WDR7: variants seen among roughly 807,000 people sequenced by gnomAD.
WDR7 encodes the protein WD repeat-containing protein 7.
WDR7 carries 46 observed loss-of-function variants against 169.4 expected under a neutral mutation model. The observed-to-expected ratio is 0.27, with a 90% CI of 0.21 to 0.35. The LOEUF is 0.35. Among genes scored for constraint, WDR7 ranks in the 10% least tolerant of loss-of-function variants. The pLI is 1.00. For missense variants in WDR7, 1,534 were observed against 1,859.3 expected, an observed-to-expected ratio of 0.83 and a Z score of 3.22; for synonymous variants, 612 against 666.8, an observed-to-expected ratio of 0.92 and a Z score of 1.27.
chr18:56,992,994 A>G (rs1013938939), intron 26 of WDR7, among the ~76,000 whole-genome samples: 1 of 152,208 alleles, frequency 6.6e-6, no homozygotes, highest in African/African-American at 2.4e-5. Flanking sequence ...CACTGCTGTA[A>G]TAACCTAACA....
intron 20 of WDR7, among the ~76,000 whole-genome samples, chr18:56,832,119 T>C (rs921717340): frequency 2.6e-5 from 4 of 152,112 alleles, no homozygotes; most frequent in African/African-American, 9.7e-5. Context: ...AGCACAGCAG[T>C]CTGAGGTTGA....
intron 1 of WDR7, among the ~76,000 whole-genome samples, chr18:56,654,981 T>C (rs1470431602): frequency 6.6e-6 from 1 of 152,238 alleles, no homozygotes; most frequent in Non-Finnish European, 1.5e-5. Context: ...TTGAGTCCTT[T>C]CCTTTGGTTT....
chr18:56,745,739 A>C (rs2043692508), intron 14 of WDR7, among the ~76,000 whole-genome samples: 4 of 152,210 alleles, frequency 2.6e-5, no homozygotes, highest in Admixed American at 2.6e-4. Context: ...TGCTAATTTA[A>C]GTTTATAAAT....
At chr18:56,677,691 C>A (rs2025272561) in intron 2 of WDR7, among the ~76,000 whole-genome samples, 1 of 152,074 alleles carries the variant, frequency 6.6e-6, no homozygotes, top group African/African-American at 2.4e-5. Flanking sequence ...TTTTAGGATT[C>A]TTTCTTAATC....
chr18:56,967,035 T>C (rs1429561162), intron 26 of WDR7, among the ~76,000 whole-genome samples: 1 of 152,200 alleles, frequency 6.6e-6, no homozygotes, highest in Non-Finnish European at 1.5e-5. Flanking sequence ...TCAGTAAATG[T>C]TGGCGATTAT....
At chr18:56,876,782 G>C (rs549182474) in intron 20 of WDR7, among the ~76,000 whole-genome samples, 14 of 152,186 alleles carry the variant, frequency 9.2e-5, no homozygotes, top group African/African-American at 3.1e-4. Flanking sequence ...CAAAACAGAA[G>C]AAAGAGATAA....
intron 16 of WDR7, among the ~76,000 whole-genome samples, chr18:56,761,956 T>C (rs867086393): frequency 1.3e-5 from 2 of 152,204 alleles, no homozygotes; most frequent in Middle Eastern, 3.5e-3. Flanking sequence ...GGGAAAACTT[T>C]TAAACCTTTC....
chr18:56,815,153 T>A (rs905001990), intron 19 of WDR7, among the ~76,000 whole-genome samples: 1 of 152,238 alleles, frequency 6.6e-6, no homozygotes, highest in Non-Finnish European at 1.5e-5. Flanking sequence ...AATATTTAAA[T>A]GGATTCTATG....
intron 11 of WDR7, 148 bp downstream of exon 11, chr18:56,695,346 C>A: frequency 2.1e-6 from 2 of 937,802 alleles, no homozygotes; most frequent in Non-Finnish European, 3.1e-6. Context: ...GTTTAATGCA[C>A]AGATAAAATA....
At position 56,962,425 on chromosome 18, in the gene WDR7, C is replaced by G. The variant is rs2047350404; in HGVS notation, c.4065-5C>G. 1.2e-6 allele frequency: 2 copies of G among 1,612,462 alleles called. No individual in the cohort carries two copies. Among genetic ancestry groups the G allele is most frequent in the Non-Finnish European group, 1.7e-6 (2 of 1,178,940 alleles). On this transcript the variant is annotated splice_polypyrimidine_tract_variant and splice_region_variant and intron_variant, in intron 25 of 27. Transcript: ENST00000254442. ...TTGTTTTTGTTGTTAAAATGTTCAA[C>G]TCAGGTTCTACATGGTCAGCTATTA... is the stretch of plus-strand genomic sequence containing the variant.
At chr18:56,860,984 T>C (rs1205248298) in intron 20 of WDR7, among the ~76,000 whole-genome samples, 1 of 152,160 alleles carries the variant, frequency 6.6e-6, no homozygotes, top group African/African-American at 2.4e-5. Flanking sequence ...TTTCTAGAAA[T>C]ACAATTGCTC....
intron 20 of WDR7, among the ~76,000 whole-genome samples, chr18:56,820,405 A>G (rs996133959): frequency 1.4e-5 from 2 of 146,226 alleles, no homozygotes; most frequent in Admixed American, 7.1e-5. Context: ...GACAGATTCA[A>G]CTACAAAAGC....
chr18:56,726,928 C>T (rs1266409705), intron 13 of WDR7, among the ~76,000 whole-genome samples: 3 of 152,088 alleles, frequency 2.0e-5, no homozygotes, highest in African/African-American at 7.2e-5. Flanking sequence ...GTACTTTCTT[C>T]ATAGTCACAC....
chr18:56,739,760 G>T (rs185348326), intron 14 of WDR7, among the ~76,000 whole-genome samples: 1 of 142,334 alleles, frequency 7.0e-6, no homozygotes. Flanking sequence ...TCTTTTTTTG[G>T]GGGGGGGAAT....
intron 20 of WDR7, among the ~76,000 whole-genome samples, chr18:56,862,177 A>G (rs1304737684): frequency 6.6e-6 from 1 of 151,976 alleles, no homozygotes; most frequent in Non-Finnish European, 1.5e-5. Flanking sequence ...ATCGTCCACT[A>G]TTATGTTGTA....
chr18:56,974,296 G>A (rs1187204155), intron 26 of WDR7, among the ~76,000 whole-genome samples: 1 of 150,932 alleles, frequency 6.6e-6, no homozygotes, highest in South Asian at 2.1e-4. Flanking sequence ...AGCACATCTT[G>A]CCTTGTCTTG....
At chr18:56,844,428 A>G (rs999678266) in intron 20 of WDR7, among the ~76,000 whole-genome samples, 3 of 152,194 alleles carry the variant, frequency 2.0e-5, no homozygotes, top group African/African-American at 7.2e-5. Flanking sequence ...AGTGGCTTTT[A>G]AAATGATCCA....
intron 20 of WDR7, among the ~76,000 whole-genome samples, chr18:56,852,372 A>G (rs533692319): frequency 1.1e-3 from 162 of 152,300 alleles, no homozygotes; most frequent in Non-Finnish European, 1.8e-3. Flanking sequence ...AAGTTCTGTC[A>G]TATAATGATA....
At chr18:56,969,534 G>T (rs1391798082) in intron 26 of WDR7, among the ~76,000 whole-genome samples, 1 of 152,166 alleles carries the variant, frequency 6.6e-6, no homozygotes, top group Admixed American at 6.5e-5. Context: ...CCTGGTTCCA[G>T]TTACATTTAT....
Sources: gnomAD v4.1 joint callset for allele counts (sites outside exome capture counted in the v4.1 genomes callset) on GRCh38, gnomAD v4.1.1 for gene constraint, MANE v1.5 for transcripts, NCBI Gene and HGNC (gene_info 2026-07-23, HGNC 2026-07-21) for gene names.